Variants in C1GALT1 observed in about 807,000 individuals in gnomAD.
C1GALT1 encodes glycoprotein-N-acetylgalactosamine 3-beta-galactosyltransferase 1.
C1GALT1 carries 11 observed loss-of-function variants against 31.0 expected under a neutral mutation model. The ratio of observed to expected loss-of-function variants is 0.36; its 90% confidence interval spans 0.22 to 0.59. C1GALT1 has a LOEUF of 0.59. Ranked by LOEUF, C1GALT1 falls within the 20% of genes least tolerant of loss-of-function variation. C1GALT1 has a pLI of 0.79. For synonymous variants in C1GALT1, 175 were observed against 143.6 expected, an observed-to-expected ratio of 1.22 and a Z score of -1.56; for missense variants, 424 against 425.2, an observed-to-expected ratio of 1.00 and a Z score of 0.03.
At chr7:7,191,799 T>A (rs1781085063) in intron 1 of C1GALT1, among the ~76,000 whole-genome samples, 1 of 151,912 alleles carries the variant, frequency 6.6e-6, no homozygotes, top group East Asian at 1.9e-4. Flanking sequence ...TTTGAGTCTT[T>A]TGCACATTGT....
At chr7:7,198,011 A>T (rs1440641174) in intron 1 of C1GALT1, among the ~76,000 whole-genome samples, 1 of 152,146 alleles carries the variant, frequency 6.6e-6, no homozygotes, top group Non-Finnish European at 1.5e-5. Flanking sequence ...TCTTTTCCTA[A>T]TTGAATACTC....
chr7:7,247,823 T>G lies in C1GALT1; in HGVS notation c.*4096T>G, dbSNP rs1201159336. 6.6e-6 allele frequency: 1 copy of G among 152,096 alleles called. No homozygotes were observed. Among genetic ancestry groups the G allele is most frequent in the African/African-American group, 2.4e-5 (1 of 41,456 alleles). The allele number at this position is 152,096 out of a possible 1,614,324, so 9.4% of individuals were successfully genotyped here. On this transcript the variant is annotated 3_prime_UTR_variant, in exon 4 of 4. Coordinates refer to ENST00000436587, the MANE Select transcript of C1GALT1 (RefSeq NM_020156.5). ...TGGCTGTTAATAGTGATTAGAATTT[T>G]TATCACTTAATTGATAATTTTAAGC...
At chr7:7,213,878 CAT>C (rs553224965) in intron 1 of C1GALT1, among the ~76,000 whole-genome samples, 91 of 152,280 alleles carry the variant, frequency 6.0e-4, no homozygotes, top group Non-Finnish European at 1.1e-3. Flanking sequence ...ATGAAAAGAA[CAT>C]ATAAATATCA....
chr7:7,161,250 T>C (rs12531397), intron 2 of C1GALT1, among the ~76,000 whole-genome samples: 3,977 of 152,088 alleles, frequency 0.026, 146 homozygotes, highest in East Asian at 0.16. Context: ...TTTGGGGAGA[T>C]CATCCAAATC....
At chr7:7,241,149 A>G (rs1198537535) in intron 3 of C1GALT1, among the ~76,000 whole-genome samples, 2 of 152,046 alleles carry the variant, frequency 1.3e-5, no homozygotes, top group African/African-American at 2.4e-5. Flanking sequence ...TAGGTCAGAA[A>G]TGGTCAAATA....
intron 2 of C1GALT1, among the ~76,000 whole-genome samples, chr7:7,167,548 A>T (rs1447663291): frequency 1.3e-5 from 2 of 152,078 alleles, no homozygotes; most frequent in South Asian, 4.1e-4. Flanking sequence ...TCCAATCAAG[A>T]TGCCATTTCA....
At chr7:7,194,599 T>C (rs572578472) in intron 1 of C1GALT1, among the ~76,000 whole-genome samples, 2 of 152,270 alleles carry the variant, frequency 1.3e-5, no homozygotes, top group African/African-American at 4.8e-5. Flanking sequence ...GATTTTTGCA[T>C]CTATGTTCAT....
At chr7:7,221,501 G>C (rs1454380629) in intron 1 of C1GALT1, among the ~76,000 whole-genome samples, 1 of 152,088 alleles carries the variant, frequency 6.6e-6, no homozygotes, top group African/African-American at 2.4e-5. Flanking sequence ...TTTCTTATCA[G>C]AGCCATTCCT....
intron 1 of C1GALT1, among the ~76,000 whole-genome samples, chr7:7,183,897 A>C (rs908191447): frequency 6.6e-6 from 1 of 152,230 alleles, no homozygotes; most frequent in Admixed American, 6.5e-5. Flanking sequence ...TGAATCAATG[A>C]ATAATTGGCC....
chr7:7,222,506 T>C (rs938042259), intron 1 of C1GALT1, among the ~76,000 whole-genome samples: 1 of 152,226 alleles, frequency 6.6e-6, no homozygotes, highest in African/African-American at 2.4e-5. Flanking sequence ...CATTGAGGTT[T>C]TTATGTTTAA....
chr7:7,220,724 G>A (rs1782473568), intron 1 of C1GALT1, among the ~76,000 whole-genome samples: 1 of 152,128 alleles, frequency 6.6e-6, no homozygotes, highest in African/African-American at 2.4e-5. Flanking sequence ...GTTTCACCAT[G>A]TTGGCCAGGA....
At chr7:7,214,523 C>A (rs568732124) in intron 1 of C1GALT1, among the ~76,000 whole-genome samples, 9 of 152,234 alleles carry the variant, frequency 5.9e-5, no homozygotes, top group Non-Finnish European at 1.3e-4. Flanking sequence ...TTTTAAATCC[C>A]CTGTTACTTG....
At chr7:7,193,883 G>A (rs567306918) in intron 1 of C1GALT1, among the ~76,000 whole-genome samples, 117 of 151,956 alleles carry the variant, frequency 7.7e-4, no homozygotes, top group African/African-American at 2.7e-3. Context: ...TCTTGTAGAT[G>A]TCTTTCACTT....
intron 1 of C1GALT1, among the ~76,000 whole-genome samples, chr7:7,231,243 G>GT (rs954583168): frequency 2.4e-4 from 36 of 151,418 alleles, no homozygotes; most frequent in South Asian, 2.1e-3. Flanking sequence ...CACCTTTGAA[G>GT]TTTTTTTTTC....
At chr7:7,224,183 A>G (rs1030960185) in intron 1 of C1GALT1, among the ~76,000 whole-genome samples, 1 of 152,022 alleles carries the variant, frequency 6.6e-6, no homozygotes, top group African/African-American at 2.4e-5. Flanking sequence ...TTCATTAAGT[A>G]TTAGTACTTA....
rs58995187 is a variant in C1GALT1, at chr7:7,163,193, T to G, written c.-18+5767T>G. ...TTTTAGACATGAAGTCCTTGCCCGT[T>G]CCTATGTCCTGAATGGTAATGCCTA... On this transcript the variant is annotated intron_variant, in intron 2 of 3. Transcript: ENST00000429911. Among the ~76,000 whole-genome samples, 591 of 152,296 alleles carry G rather than the reference T, an allele frequency of 3.9e-3. 8 individuals are homozygous for G. The highest frequency in any genetic ancestry group is 0.014 in the African/African-American group (568 of 41,566).
chr7:7,203,548 A>C (rs1009536715), intron 1 of C1GALT1, among the ~76,000 whole-genome samples: 4 of 151,896 alleles, frequency 2.6e-5, no homozygotes, highest in African/African-American at 9.7e-5. Flanking sequence ...GATAAATCCC[A>C]CTTGGTCATG....
chr7:7,191,348 C>A (rs1036103008), intron 1 of C1GALT1, among the ~76,000 whole-genome samples: 1 of 152,110 alleles, frequency 6.6e-6, no homozygotes, highest in African/African-American at 2.4e-5. Flanking sequence ...AATACTATTC[C>A]ATTGTATGTA....
In C1GALT1 at chr7:7,247,508, G is replaced by T. The variant is rs1468811644; in HGVS notation, c.*3781G>T. 6 of 152,058 alleles carry T rather than the reference G, an allele frequency of 3.9e-5. No individual in the cohort carries two copies. Among genetic ancestry groups the T allele is most frequent in the African/African-American group, 1.4e-4 (6 of 41,434 alleles). 9.4% of individuals were successfully genotyped at this position (152,058 alleles called of 1,614,324 possible). On this transcript the variant is annotated 3_prime_UTR_variant, in exon 4 of 4. Transcript: ENST00000436587. ...TTAATATTTTTTGAATACAGAATTG[G>T]ATTTGAGCAGTAAATTTGCTAACTG...
Sources: allele counts gnomAD v4.1 joint callset (sites outside exome capture counted in the v4.1 genomes callset), GRCh38; gene constraint gnomAD v4.1.1; transcripts MANE v1.5; gene names NCBI Gene and HGNC (gene_info 2026-07-23, HGNC 2026-07-21).